Variants in WWOX observed in about 807,000 individuals in gnomAD.
WWOX encodes the protein WW domain containing oxidoreductase, also known as WW domain-containing oxidoreductase.
A neutral mutation model predicts 46.2 loss-of-function variants in WWOX; 69 were observed. The observed-to-expected ratio is 1.49, with a 90% confidence interval of 1.23 to 1.82. WWOX has a LOEUF of 1.82. WWOX is among the 40% of genes most tolerant of loss of function. The pLI, the probability that WWOX is intolerant of heterozygous loss-of-function variation, is 0.00. For synonymous variants in WWOX, 359 were observed against 202.6 expected, an observed-to-expected ratio of 1.77 and a Z score of -6.56; for missense variants, 919 against 542.6, an observed-to-expected ratio of 1.69 and a Z score of -6.89.
intron 8 of WWOX, among the ~76,000 whole-genome samples, chr16:78,951,271 A>C (rs2046054134): frequency 6.6e-6 from 1 of 152,202 alleles, no homozygotes; most frequent in South Asian, 2.1e-4. Flanking sequence ...ATTTGCAGAC[A>C]TGGCCAGCAT....
chr16:78,283,592 A>G (rs1364239944), intron 5 of WWOX, among the ~76,000 whole-genome samples: 3 of 152,098 alleles, frequency 2.0e-5, no homozygotes, highest in African/African-American at 7.2e-5. Context: ...TTTAACTCAC[A>G]TAGGATGAAT....
chr16:78,803,488 C>A (rs529309202), intron 8 of WWOX, among the ~76,000 whole-genome samples: 1 of 152,182 alleles, frequency 6.6e-6, no homozygotes, highest in East Asian at 1.9e-4. Flanking sequence ...GCTGTGTTGC[C>A]CATGCTGGAG....
intron 8 of WWOX, among the ~76,000 whole-genome samples, chr16:78,613,328 C>T (rs780395873): frequency 1.4e-4 from 22 of 152,092 alleles, no homozygotes; most frequent in Non-Finnish European, 2.5e-4. Context: ...CTTGAAGTCC[C>T]GATGCGTGAT....
intron 8 of WWOX, among the ~76,000 whole-genome samples, chr16:78,643,906 A>G (rs914118915): frequency 6.6e-6 from 1 of 151,998 alleles, no homozygotes; most frequent in Non-Finnish European, 1.5e-5. Context: ...TATCTTGATG[A>G]TACTTTATTA....
rs532668981 is a variant in WWOX, at chr16:78,602,318, C to A, written c.1056+169566C>A. ...TGTAATCTCGGCTTACTGCAACCTT[C>A]ACCTCCTAGGTTCCAGCGATTCTCC... On this transcript the variant is annotated intron_variant, in intron 8 of 8. Transcript: ENST00000566780. Among the ~76,000 whole-genome samples, 6 of 152,168 alleles carry A rather than the reference C, an allele frequency of 3.9e-5. No individual in the cohort carries two copies. In the East Asian group the frequency reaches 9.7e-4, roughly 24 times the overall value.
chr16:78,986,306 T>C (rs2046783604), intron 8 of WWOX, among the ~76,000 whole-genome samples: 1 of 152,200 alleles, frequency 6.6e-6, no homozygotes, highest in South Asian at 2.1e-4. Context: ...AGACCTATAG[T>C]TTTGAAAGTC....
At chr16:78,983,612 A>G (rs956578929) in intron 8 of WWOX, among the ~76,000 whole-genome samples, 1 of 151,866 alleles carries the variant, frequency 6.6e-6, no homozygotes, top group African/African-American at 2.4e-5. Context: ...TATTTTCTAG[A>G]CTCTCCTGGT....
intron 8 of WWOX, among the ~76,000 whole-genome samples, chr16:78,761,003 C>T (rs551680104): frequency 2.8e-4 from 42 of 152,214 alleles, no homozygotes; most frequent in African/African-American, 9.2e-4. Flanking sequence ...ATGAGCATAG[C>T]ACAGGAAAGA....
At chr16:78,602,814 A>G (rs910788995) in intron 8 of WWOX, among the ~76,000 whole-genome samples, 1 of 152,212 alleles carries the variant, frequency 6.6e-6, no homozygotes, top group Admixed American at 6.5e-5. Flanking sequence ...AGTAGATGCT[A>G]TCATTCTCTC....
chr16:78,573,534 C>G (rs1287540276), intron 8 of WWOX, among the ~76,000 whole-genome samples: 2 of 152,318 alleles, frequency 1.3e-5, no homozygotes, highest in East Asian at 3.9e-4. Context: ...CTCCTCTGCT[C>G]AAAAACATTC....
chr16:78,283,111 A>G (rs141567567), intron 5 of WWOX, among the ~76,000 whole-genome samples: 3 of 152,198 alleles, frequency 2.0e-5, no homozygotes, highest in East Asian at 3.9e-4. Context: ...AGGAAGGGGT[A>G]GCTGTGAGAT....
chr16:78,948,931 A>C (rs2046002482), intron 8 of WWOX, among the ~76,000 whole-genome samples: 1 of 152,140 alleles, frequency 6.6e-6, no homozygotes, highest in Admixed American at 6.5e-5. Flanking sequence ...GGCAGAGGGT[A>C]GGCAGAGAGA....
intron 8 of WWOX, among the ~76,000 whole-genome samples, chr16:78,465,704 T>G (rs1350863473): frequency 6.6e-6 from 1 of 152,234 alleles, no homozygotes; most frequent in Admixed American, 6.5e-5. Flanking sequence ...TTAGCATATT[T>G]CCTTTTAATT....
chr16:78,585,771 C>A (rs1029545309), intron 8 of WWOX, among the ~76,000 whole-genome samples: 2 of 151,472 alleles, frequency 1.3e-5, no homozygotes, highest in African/African-American at 4.9e-5. Context: ...TCCCCTGCAA[C>A]CCCAAGGCAG....
At chr16:78,736,100 A>G (rs1296871603) in intron 8 of WWOX, among the ~76,000 whole-genome samples, 2 of 152,172 alleles carry the variant, frequency 1.3e-5, no homozygotes, top group African/African-American at 2.4e-5. Context: ...TCTTGGGACA[A>G]ATGTGTGACA....
At chr16:78,193,040 G>A (rs987917627) in intron 5 of WWOX, among the ~76,000 whole-genome samples, 1 of 152,218 alleles carries the variant, frequency 6.6e-6, no homozygotes, top group African/African-American at 2.4e-5. Flanking sequence ...CCTGGGCTCA[G>A]CTTCTCACAG....
intron 8 of WWOX, among the ~76,000 whole-genome samples, chr16:78,811,493 C>G (rs528157573): frequency 3.7e-4 from 56 of 151,748 alleles, no homozygotes; most frequent in African/African-American, 1.3e-3. Context: ...CTCTCCCTCC[C>G]TCTTTCTTTT....
At chr16:78,193,076 A>G (rs1019587369) in intron 5 of WWOX, among the ~76,000 whole-genome samples, 1 of 152,224 alleles carries the variant, frequency 6.6e-6, no homozygotes, top group Non-Finnish European at 1.5e-5. Flanking sequence ...CCCAGGCTGT[A>G]GGAGATGTCA....
chr16:78,856,681 A>T (rs992810673), intron 8 of WWOX, among the ~76,000 whole-genome samples: 1 of 152,170 alleles, frequency 6.6e-6, no homozygotes, highest in Non-Finnish European at 1.5e-5. Context: ...CTTTCAGTAC[A>T]ATGGGAAGGG....
Sources: gnomAD v4.1 joint callset for allele counts (sites outside exome capture counted in the v4.1 genomes callset) on GRCh38, gnomAD v4.1.1 for gene constraint, MANE v1.5 for transcripts, NCBI Gene and HGNC (gene_info 2026-07-23, HGNC 2026-07-21) for gene names.